Variants in ST18 observed in about 807,000 individuals in gnomAD.
ST18 encodes suppression of tumorigenicity 18 protein.
Under a neutral mutation model 110.0 loss-of-function variants are expected in ST18, and 50 were observed. The ratio of observed to expected loss-of-function variants is 0.45; its 90% CI spans 0.36 to 0.58. ST18 has a LOEUF of 0.58. Among genes scored for constraint, ST18 ranks in the 20% least tolerant of loss-of-function variants. The pLI is 0.00. For missense variants in ST18, 1,306 were observed against 1,280.1 expected, an observed-to-expected ratio of 1.02 and a Z score of -0.31; for synonymous variants, 461 against 452.4, an observed-to-expected ratio of 1.02 and a Z score of -0.24.
chr8:52,330,244 G>T (rs2140054223), intron 2 of ST18, among the ~76,000 whole-genome samples: 1 of 152,290 alleles, frequency 6.6e-6, no homozygotes, highest in African/African-American at 2.4e-5. Flanking sequence ...AATTTTGCCA[G>T]TTTAATGATC....
At chr8:52,308,885 A>G (rs1044766858) in intron 2 of ST18, among the ~76,000 whole-genome samples, 1 of 152,230 alleles carries the variant, frequency 6.6e-6, no homozygotes. Context: ...TGCCAAAGCC[A>G]AGGCTATAAC....
chr8:52,232,743 T>G (rs2091771311), intron 2 of ST18, among the ~76,000 whole-genome samples: 1 of 152,028 alleles, frequency 6.6e-6, no homozygotes, highest in Non-Finnish European at 1.5e-5. Context: ...AATACATATT[T>G]TAGGAAGAAG....
chr8:52,299,999 TAACACTC>T (rs2095692642), intron 2 of ST18, among the ~76,000 whole-genome samples: 1 of 152,240 alleles, frequency 6.6e-6, no homozygotes, highest in African/African-American at 2.4e-5. Flanking sequence ...CGTTGGCAGA[TAACACTC>T]TTAGGGCACA....
At chr8:52,213,728 G>A (rs1434573247) in intron 7 of ST18, among the ~76,000 whole-genome samples, 2 of 152,120 alleles carry the variant, frequency 1.3e-5, no homozygotes, top group Non-Finnish European at 2.9e-5. Flanking sequence ...CAGAGCTGCT[G>A]GAAATTCCCA....
rs2074392017 is a variant in ST18, at chr8:52,191,314, G to A, written c.87-11002C>T. Among the ~76,000 whole-genome samples the A allele has an allele frequency of 2.0e-5, 3 of 152,284 alleles. No individual in the cohort carries two copies. In the South Asian group the frequency reaches 6.2e-4, roughly 32 times the overall value. On this transcript the variant is annotated intron_variant, in intron 8 of 25. Coordinates refer to ENST00000689386, the MANE Select transcript of ST18 (RefSeq NM_001352837.2). ...AGAATTATGCACTGCTAGAAAAACA[G>A]CCCTAGTAGAGACAAAATCCCTGAC... is the stretch of plus-strand genomic sequence containing the variant.
intron 2 of ST18, among the ~76,000 whole-genome samples, chr8:52,309,520 C>CAAAAAAAAAAAA (rs756214451): frequency 7.9e-5 from 3 of 37,762 alleles, no homozygotes; most frequent in Non-Finnish European, 9.8e-5. Context: ...GACTCCATCT[C>CAAAAAAAAAAAA]AAAAAAAAAA....
chr8:52,379,102 C>CT (rs35639924), intron 2 of ST18, among the ~76,000 whole-genome samples: 111,319 of 145,680 alleles, frequency 0.76, 45,851 homozygotes, highest in Non-Finnish European at 0.91. Context: ...TCTTTTCTTT[C>CT]TTTTTTTTTT....
At chr8:52,203,714 T>C (rs2078881046) in intron 8 of ST18, among the ~76,000 whole-genome samples, 1 of 152,288 alleles carries the variant, frequency 6.6e-6, no homozygotes, top group South Asian at 2.1e-4. Context: ...CAAGTAGGAC[T>C]GGGGAGAAAA....
chr8:52,131,916 C>T (rs749446898), intron 22 of ST18, 42 bp downstream of exon 22: 73 of 1,598,232 alleles, frequency 4.6e-5, no homozygotes, highest in South Asian at 5.6e-5. Context: ...AGGCGACAAC[C>T]GATCACAACA....
chr8:52,167,317 G>GA (rs2063346180), intron 10 of ST18, among the ~76,000 whole-genome samples: 2 of 152,038 alleles, frequency 1.3e-5, no homozygotes, highest in African/African-American at 2.4e-5. Flanking sequence ...CTCCCGAAAA[G>GA]AAAAAATAGT....
intron 2 of ST18, among the ~76,000 whole-genome samples, chr8:52,331,571 C>G (rs536174108): frequency 6.6e-6 from 1 of 152,176 alleles, no homozygotes; most frequent in Admixed American, 6.5e-5. Context: ...ACATTAACAT[C>G]TGCATATGTA....
intron 9 of ST18, among the ~76,000 whole-genome samples, chr8:52,176,397 A>C (rs2066974252): frequency 6.6e-6 from 1 of 152,154 alleles, no homozygotes; most frequent in Non-Finnish European, 1.5e-5. Context: ...ACCAAACAAA[A>C]ACTAAAAGTG....
intron 2 of ST18, among the ~76,000 whole-genome samples, chr8:52,283,675 G>A (rs1044582698): frequency 6.6e-6 from 1 of 152,202 alleles, no homozygotes. Flanking sequence ...TAAAGACACT[G>A]TTGGCTTTCA....
intron 2 of ST18, among the ~76,000 whole-genome samples, chr8:52,357,709 AT>A (rs1823621284): frequency 3.6e-5 from 3 of 83,652 alleles, no homozygotes; most frequent in Non-Finnish European, 6.2e-5. Flanking sequence ...ATATATATAT[AT>A]ATATATATAT....
chr8:52,214,339 G>T, intron 6 of ST18, 82 bp from the exon 7 acceptor site: 3 of 1,475,848 alleles, frequency 2.0e-6, no homozygotes, highest in African/African-American at 1.4e-5. Flanking sequence ...AGTTCTGAAG[G>T]TCATTATGAA....
At chr8:52,122,112 G>C (rs999792441) in intron 23 of ST18, among the ~76,000 whole-genome samples, 1 of 152,070 alleles carries the variant, frequency 6.6e-6, no homozygotes, top group Non-Finnish European at 1.5e-5. Context: ...CAAAGTGCTG[G>C]GATTATAAGC....
intron 6 of ST18, 109 bp downstream of exon 6, chr8:52,217,637 T>C (rs923169637): frequency 6.6e-6 from 1 of 152,110 alleles, no homozygotes; most frequent in Non-Finnish European, 1.5e-5. Flanking sequence ...GAGCTAATGA[T>C]GGAAATAAGC....
chr8:52,392,508 C>T (rs951112074), intron 2 of ST18, among the ~76,000 whole-genome samples: 6 of 152,100 alleles, frequency 3.9e-5, no homozygotes, highest in African/African-American at 1.2e-4. Flanking sequence ...AGAAATTATA[C>T]CCATGTGGAA....
chr8:52,118,766 T>C (rs535460656), intron 23 of ST18, among the ~76,000 whole-genome samples: 2 of 152,100 alleles, frequency 1.3e-5, no homozygotes, highest in South Asian at 2.1e-4. Context: ...TATACCCTCC[T>C]CACATATGAA....
Sources: allele counts gnomAD v4.1 joint callset (sites outside exome capture counted in the v4.1 genomes callset), GRCh38; gene constraint gnomAD v4.1.1; transcripts MANE v1.5; gene names NCBI Gene and HGNC (gene_info 2026-07-23, HGNC 2026-07-21).